ASB3: variants seen among roughly 807,000 people sequenced by gnomAD.
ASB3 encodes ankyrin repeat and SOCS box protein 3.
In ASB3, 41 loss-of-function variants were observed where a neutral mutation model predicts 54.5. The observed-to-expected ratio is 0.75, with a 90% CI of 0.59 to 0.98. ASB3 has a LOEUF of 0.98. ASB3 is among the 50% of genes least tolerant of loss of function. The pLI is 0.00. For synonymous variants in ASB3, 266 were observed against 221.2 expected (o/e 1.20, Z -1.80); for missense variants, 733 against 620.0 (o/e 1.18, Z -1.94).
chr2:53,769,293 T>C (rs921277577), intron 1 of ASB3, among the ~76,000 whole-genome samples: 2 of 152,250 alleles, frequency 1.3e-5, no homozygotes, highest in South Asian at 2.1e-4. Context: ...GGAGGACTGC[T>C]TGAGGCCAGG....
At chr2:53,758,572 A>G (rs1227628638) in intron 2 of ASB3, among the ~76,000 whole-genome samples, 1 of 152,226 alleles carries the variant, frequency 6.6e-6, no homozygotes, top group Non-Finnish European at 1.5e-5. Flanking sequence ...CGCAAAGGCA[A>G]TATTGGGCAT....
intron 4 of ASB3, 122 bp downstream of exon 4, chr2:53,729,336 T>C: frequency 3.5e-6 from 3 of 869,228 alleles, no homozygotes; most frequent in Non-Finnish European, 5.3e-6. Flanking sequence ...CTGCCTTTTC[T>C]GTACTGCACT....
At chr2:53,731,196 T>A (rs1301522342) in intron 3 of ASB3, among the ~76,000 whole-genome samples, 1 of 152,112 alleles carries the variant, frequency 6.6e-6, no homozygotes, top group Admixed American at 6.6e-5. Flanking sequence ...GTTCAGGAGA[T>A]CGAGACCATC....
At chr2:53,731,151 C>T (rs1671285277) in intron 3 of ASB3, among the ~76,000 whole-genome samples, 1 of 152,178 alleles carries the variant, frequency 6.6e-6, no homozygotes, top group Admixed American at 6.5e-5. Context: ...CCTGTAATCC[C>T]AGCACTTTGG....
At chr2:53,741,627 G>C (rs1671938868) in intron 3 of ASB3, among the ~76,000 whole-genome samples, 1 of 152,136 alleles carries the variant, frequency 6.6e-6, no homozygotes, top group African/African-American at 2.4e-5. Flanking sequence ...ATTTTATCTA[G>C]GTCTATTCAC....
intron 2 of ASB3, among the ~76,000 whole-genome samples, chr2:53,753,978 A>C (rs1196834476): frequency 1.3e-5 from 2 of 152,056 alleles, no homozygotes; most frequent in Non-Finnish European, 2.9e-5. Flanking sequence ...CCCGTAAAAG[A>C]AACCAGCACT....
At position 53,731,534 on chromosome 2, in the gene ASB3, A is replaced by G. The variant is rs575147093; in HGVS notation, c.356-1964T>C. On this transcript the variant is annotated intron_variant, in intron 3 of 9. Coordinates refer to ENST00000263634, the MANE Select transcript of ASB3 (RefSeq NM_016115.5). Reference sequence around the variant, plus strand: ...CATAACTAAGTTAATATTCAAAAGCATTTACCATGGAAAAAACAGTTCTTC... The same window carrying G: ...CATAACTAAGTTAATATTCAAAAGCGTTTACCATGGAAAAAACAGTTCTTC... 3.9e-5 allele frequency among the ~76,000 whole-genome samples: 6 copies of G among 152,352 alleles called. No homozygotes were observed. The South Asian group carries it at 1.2e-3, about 32-fold the overall frequency.
intron 9 of ASB3, among the ~76,000 whole-genome samples, chr2:53,671,778 A>G (rs1279816253): frequency 7.4e-6 from 1 of 135,888 alleles, no homozygotes; most frequent in African/African-American, 2.7e-5. Flanking sequence ...AAAGAAAAGA[A>G]TCATATGATA....
chr2:53,677,766 A>G (rs1249738590), intron 9 of ASB3, among the ~76,000 whole-genome samples: 1 of 151,662 alleles, frequency 6.6e-6, no homozygotes, highest in Non-Finnish European at 1.5e-5. Flanking sequence ...AAACATTGAG[A>G]AAAAAAAATC....
intron 1 of ASB3, among the ~76,000 whole-genome samples, chr2:53,772,650 C>T (rs1383706983): frequency 2.0e-5 from 3 of 151,490 alleles, no homozygotes; most frequent in African/African-American, 7.3e-5. Flanking sequence ...GTGAGGAATT[C>T]TTATTTTCTT....
intron 9 of ASB3, among the ~76,000 whole-genome samples, chr2:53,673,056 A>T (rs1667901298): frequency 6.6e-6 from 1 of 152,210 alleles, no homozygotes; most frequent in South Asian, 2.1e-4. Flanking sequence ...TGCTGGTAGG[A>T]ACACTGGCAT....
chr2:53,752,847 A>G (rs1672594844), intron 2 of ASB3, among the ~76,000 whole-genome samples: 1 of 152,230 alleles, frequency 6.6e-6, no homozygotes, highest in African/African-American at 2.4e-5. Context: ...CAGAAGCAGT[A>G]AGAGACTAAG....
At chr2:53,728,993 G>A (rs1055168149) in intron 4 of ASB3, 146 bp from the exon 5 acceptor site, 4 of 911,754 alleles carry the variant, frequency 4.4e-6, no homozygotes, top group Admixed American at 3.1e-5. Context: ...TGCTGTATTA[G>A]TTGGAAAGAA....
rs561066045 is a variant in ASB3 at position 53,711,608 on chromosome 2, C to G, written c.980+2776G>C. Among the ~76,000 whole-genome samples, 7 of 152,220 alleles carry G rather than the reference C, an allele frequency of 4.6e-5. No individual in the cohort carries two copies. The South Asian group carries it at 1.5e-3, about 32-fold the overall frequency. ...TGGCCAACATGGTGAAATCCCATCT[C>G]TTTTAAAATACAAAAAGTAGCTGAG... On this transcript the variant is annotated intron_variant, in intron 7 of 9. Coordinates refer to ENST00000263634, the MANE Select transcript of ASB3 (RefSeq NM_016115.5).
chr2:53,698,218 T>C (rs1033157927), intron 8 of ASB3, among the ~76,000 whole-genome samples: 1 of 152,110 alleles, frequency 6.6e-6, no homozygotes, highest in African/African-American at 2.4e-5. Context: ...TGAAAACCAA[T>C]CTGACCTCCT....
At chr2:53,730,693 C>T (rs970037050) in intron 3 of ASB3, among the ~76,000 whole-genome samples, 3 of 152,166 alleles carry the variant, frequency 2.0e-5, no homozygotes, top group Non-Finnish European at 4.4e-5. Flanking sequence ...TTCTCCTCAA[C>T]CTCGCCAGCA....
intron 5 of ASB3, among the ~76,000 whole-genome samples, chr2:53,724,533 A>G (rs1476903968): frequency 6.6e-6 from 1 of 151,910 alleles, no homozygotes; most frequent in African/African-American, 2.4e-5. Flanking sequence ...CAGGAGGCAG[A>G]GGTTGCAGTG....
Position 53,765,363 on chromosome 2 carries a change from T to G in ASB3, c.196+14A>C. On this transcript the variant is annotated intron_variant, in intron 2 of 9. Coordinates refer to ENST00000263634, the MANE Select transcript of ASB3 (RefSeq NM_016115.5). Reference sequence around the variant, plus strand: ...GCTTGTAGGCAAAGCCTCCATACCTTGAATTTACTTTACCTGCATTAATTA... The same window carrying G: ...GCTTGTAGGCAAAGCCTCCATACCTGGAATTTACTTTACCTGCATTAATTA... The G allele has an allele frequency of 1.2e-6, 2 of 1,614,132 alleles. No individual in the cohort carries two copies. The highest frequency in any genetic ancestry group is 1.7e-6 in the Non-Finnish European group (2 of 1,179,990).
chr2:53,763,870 G>C (rs568007686), intron 2 of ASB3, among the ~76,000 whole-genome samples: 1 of 152,246 alleles, frequency 6.6e-6, no homozygotes, highest in South Asian at 2.1e-4. Context: ...TTTGAAATTA[G>C]AGGAATAACA....
Sources: gnomAD v4.1 joint callset for allele counts (sites outside exome capture counted in the v4.1 genomes callset) on GRCh38, gnomAD v4.1.1 for gene constraint, MANE v1.5 for transcripts, NCBI Gene and HGNC (gene_info 2026-07-23, HGNC 2026-07-21) for gene names.